The following HS3ST5 variants were observed in gnomAD, a reference collection of about 807,000 sequenced individuals.
HS3ST5 encodes heparan sulfate-glucosamine 3-sulfotransferase 5, also known as heparan sulfate glucosamine 3-O-sulfotransferase 5.
Under a neutral mutation model 25.4 loss-of-function variants are expected in HS3ST5, and 10 were observed. The observed-to-expected ratio is 0.39, with a 90% CI of 0.24 to 0.67. The LOEUF (loss-of-function observed/expected upper bound fraction) is 0.67, where lower values mean the gene tolerates loss of function less well. Among genes scored for constraint, HS3ST5 ranks in the 30% least tolerant of loss-of-function variants. The probability of loss-of-function intolerance (pLI) is 0.44; values close to 1 mark genes in which losing one functional copy is unlikely to be tolerated. For missense variants in HS3ST5, 324 were observed against 420.7 expected, an observed-to-expected ratio of 0.77 and a Z score of 2.01; for synonymous variants, 170 against 162.4, an observed-to-expected ratio of 1.05 and a Z score of -0.36.
At chr6:114,113,398 T>A (rs1429091504) in intron 3 of HS3ST5, among the ~76,000 whole-genome samples, 2 of 152,022 alleles carry the variant, frequency 1.3e-5, no homozygotes, top group African/African-American at 2.4e-5. Flanking sequence ...TATTACAACT[T>A]TTCCCTTCAT....
chr6:114,152,883 A>G (rs1429484777), intron 3 of HS3ST5, among the ~76,000 whole-genome samples: 2 of 152,146 alleles, frequency 1.3e-5, no homozygotes, highest in African/African-American at 4.8e-5. Flanking sequence ...AATCTTCCTT[A>G]TCTTGAATGA....
chr6:114,270,953 T>A (rs191282163), intron 1 of HS3ST5, among the ~76,000 whole-genome samples: 85 of 151,444 alleles, frequency 5.6e-4, no homozygotes, highest in African/African-American at 9.4e-4. Flanking sequence ...GTTTTTTTTT[T>A]AAAAATGCCC....
chr6:114,202,850 A>T, intron 2 of HS3ST5, among the ~76,000 whole-genome samples: 1 of 152,318 alleles, frequency 6.6e-6, no homozygotes, highest in East Asian at 1.9e-4. Flanking sequence ...AATTTGATTA[A>T]CTCTCCTCAA....
intron 3 of HS3ST5, among the ~76,000 whole-genome samples, chr6:114,144,913 C>A (rs890160544): frequency 6.6e-6 from 1 of 152,214 alleles, no homozygotes; most frequent in Non-Finnish European, 1.5e-5. Flanking sequence ...ACTTGTTGCT[C>A]TGCTGTTAGT....
chr6:114,156,044 C>T (rs1399433664), intron 3 of HS3ST5, among the ~76,000 whole-genome samples: 1 of 152,158 alleles, frequency 6.6e-6, no homozygotes, highest in Non-Finnish European at 1.5e-5. Context: ...CGGTGTTTCT[C>T]CTGCTTGTGA....
At chr6:114,118,870 C>T (rs953907595) in intron 3 of HS3ST5, among the ~76,000 whole-genome samples, 12 of 152,190 alleles carry the variant, frequency 7.9e-5, no homozygotes, top group South Asian at 2.1e-4. Flanking sequence ...CTCTTTCTCT[C>T]TGCCACCATG....
chr6:114,222,063 C>T (rs949355081), intron 2 of HS3ST5, among the ~76,000 whole-genome samples: 1 of 151,808 alleles, frequency 6.6e-6, no homozygotes, highest in Non-Finnish European at 1.5e-5. Flanking sequence ...CTCCACTCTC[C>T]AAATCTAATT....
chr6:114,095,489 A>C (rs1221376415), intron 3 of HS3ST5, among the ~76,000 whole-genome samples: 1 of 152,190 alleles, frequency 6.6e-6, no homozygotes, highest in Non-Finnish European at 1.5e-5. Context: ...AGAATTACCA[A>C]GGATAAGGGG....
chr6:114,304,278 T>C (rs1775201159), intron 1 of HS3ST5, among the ~76,000 whole-genome samples: 1 of 152,244 alleles, frequency 6.6e-6, no homozygotes, highest in African/African-American at 2.4e-5. Context: ...TATCTAATGT[T>C]GACATCATTT....
At chr6:114,267,041 G>T (rs141107266) in intron 1 of HS3ST5, among the ~76,000 whole-genome samples, 1 of 152,212 alleles carries the variant, frequency 6.6e-6, no homozygotes, top group East Asian at 1.9e-4. Flanking sequence ...GCCAGCCTTT[G>T]CCCAAAACAT....
At chr6:114,234,041 A>G (rs917121253) in intron 1 of HS3ST5, among the ~76,000 whole-genome samples, 2 of 152,294 alleles carry the variant, frequency 1.3e-5, no homozygotes, top group Admixed American at 6.5e-5. Context: ...ATGTTTTCCA[A>G]GTTGGAGAAC....
At chr6:114,336,540 G>A (rs1278879228) in intron 1 of HS3ST5, among the ~76,000 whole-genome samples, 1 of 152,216 alleles carries the variant, frequency 6.6e-6, no homozygotes, top group Non-Finnish European at 1.5e-5. Context: ...CCAAGAGGAG[G>A]AGGCTGCAGT....
intron 3 of HS3ST5, among the ~76,000 whole-genome samples, chr6:114,085,090 A>G (rs571006060): frequency 2.0e-5 from 3 of 152,154 alleles, no homozygotes; most frequent in South Asian, 4.1e-4. Flanking sequence ...TCCGCCTCCC[A>G]AAGTGAGAAA....
At chr6:114,104,936 C>T (rs1042649769) in intron 3 of HS3ST5, among the ~76,000 whole-genome samples, 11 of 151,690 alleles carry the variant, frequency 7.3e-5, no homozygotes, top group African/African-American at 2.4e-4. Context: ...GTCATCTTTG[C>T]GGTTTACAAG....
At chr6:114,257,193 A>C (rs2114653033) in intron 1 of HS3ST5, among the ~76,000 whole-genome samples, 1 of 152,360 alleles carries the variant, frequency 6.6e-6, no homozygotes. Context: ...GACACTGCCA[A>C]AGTATATCAG....
intron 2 of HS3ST5, among the ~76,000 whole-genome samples, chr6:114,179,536 T>C (rs541001954): frequency 8.6e-4 from 131 of 152,248 alleles, no homozygotes; most frequent in African/African-American, 3.1e-3. Flanking sequence ...TAATTCCAAA[T>C]TTACTTACTA....
At chr6:114,256,305 G>A (rs919622676) in intron 1 of HS3ST5, among the ~76,000 whole-genome samples, 3 of 151,382 alleles carry the variant, frequency 2.0e-5, no homozygotes, top group Non-Finnish European at 4.4e-5. Context: ...GGAGAATGGC[G>A]TGAACCCGGG....
intron 1 of HS3ST5, among the ~76,000 whole-genome samples, chr6:114,298,249 T>C (rs148872750): frequency 2.8e-4 from 43 of 152,346 alleles, no homozygotes; most frequent in African/African-American, 1.0e-3. Flanking sequence ...AGTATGCATA[T>C]CTAGCACTGT....
At chr6:114,295,743 C>A (rs978375903) in intron 1 of HS3ST5, among the ~76,000 whole-genome samples, 1 of 152,118 alleles carries the variant, frequency 6.6e-6, no homozygotes, top group Non-Finnish European at 1.5e-5. Context: ...ATGACAGTGC[C>A]CCTTGGTGCT....
Sources: gnomAD v4.1 joint callset for allele counts (sites outside exome capture counted in the v4.1 genomes callset) on GRCh38, gnomAD v4.1.1 for gene constraint, MANE v1.5 for transcripts, NCBI Gene and HGNC (gene_info 2026-07-23, HGNC 2026-07-21) for gene names.